Variants in HECW1 observed in about 807,000 individuals in gnomAD.
HECW1 encodes the protein HECT, C2 and WW domain containing E3 ubiquitin protein ligase 1.
In HECW1, 61 loss-of-function variants were observed where a neutral mutation model predicts 182.3. That is an observed-to-expected ratio of 0.33 (90% CI 0.27 to 0.41). The LOEUF is 0.41. Among genes scored for constraint, HECW1 ranks in the 10% least tolerant of loss-of-function variants. The pLI, the probability that HECW1 is intolerant of heterozygous loss-of-function variation, is 1.00. For synonymous variants in HECW1, 859 were observed against 832.6 expected, an observed-to-expected ratio of 1.03 and a Z score of -0.55; for missense variants, 1,739 against 2,108.9, an observed-to-expected ratio of 0.82 and a Z score of 3.44.
intron 24 of HECW1, chr7:43,512,197 G>T (rs1368761715): frequency 1.8e-5 from 4 of 223,354 alleles, no homozygotes; most frequent in Non-Finnish European, 3.6e-5. Flanking sequence ...AGATTACAAG[G>T]CTTTCTATGG....
chr7:43,524,962 C>T (rs964179151), intron 24 of HECW1, among the ~76,000 whole-genome samples: 1 of 152,182 alleles, frequency 6.6e-6, no homozygotes, highest in Non-Finnish European at 1.5e-5. Context: ...CGAGAATCAG[C>T]GTTAATTAAC....
chr7:43,284,222 AT>A (rs1385942176), intron 3 of HECW1, among the ~76,000 whole-genome samples: 2 of 152,142 alleles, frequency 1.3e-5, no homozygotes, highest in Non-Finnish European at 2.9e-5. Flanking sequence ...TTTTTTAAAC[AT>A]TTTTTAATTG....
intron 2 of HECW1, among the ~76,000 whole-genome samples, chr7:43,130,471 C>T (rs946304086): frequency 1.3e-5 from 2 of 152,180 alleles, no homozygotes; most frequent in Non-Finnish European, 2.9e-5. Context: ...CCCATGTGGA[C>T]AGTCTGTGGG....
intron 6 of HECW1, among the ~76,000 whole-genome samples, chr7:43,374,505 T>C (rs938347174): frequency 6.6e-6 from 1 of 151,986 alleles, no homozygotes; most frequent in Non-Finnish European, 1.5e-5. Context: ...AACCCAGAAA[T>C]CTAATTTATG....
intron 2 of HECW1, among the ~76,000 whole-genome samples, chr7:43,159,361 G>A (rs983377762): frequency 5.0e-5 from 7 of 139,764 alleles, no homozygotes; most frequent in African/African-American, 1.9e-4. Flanking sequence ...AGGCCCCTGT[G>A]TGTGATGTTC....
intron 21 of HECW1, among the ~76,000 whole-genome samples, chr7:43,502,382 C>T (rs1367738832): frequency 6.6e-6 from 1 of 152,208 alleles, no homozygotes; most frequent in Non-Finnish European, 1.5e-5. Flanking sequence ...TTTCGCCAGA[C>T]ACAATGGCTA....
At chr7:43,480,887 C>T (rs557607690) in intron 17 of HECW1, among the ~76,000 whole-genome samples, 12 of 152,176 alleles carry the variant, frequency 7.9e-5, no homozygotes, top group African/African-American at 2.9e-4. Flanking sequence ...GTTGATGTAT[C>T]GGCACCAGTT....
chr7:43,258,004 A>C (rs1056596343), intron 3 of HECW1, among the ~76,000 whole-genome samples: 2 of 152,168 alleles, frequency 1.3e-5, no homozygotes, highest in Admixed American at 1.3e-4. Flanking sequence ...TATTTTATAG[A>C]TAATAAAATT....
intron 17 of HECW1, among the ~76,000 whole-genome samples, chr7:43,487,664 G>A (rs1336051731): frequency 1.3e-5 from 2 of 152,232 alleles, no homozygotes; most frequent in Non-Finnish European, 1.5e-5. Flanking sequence ...CTGACCTTAG[G>A]AAAACAAAGC....
chr7:43,185,990 G>T (rs1793361501), intron 2 of HECW1, among the ~76,000 whole-genome samples: 1 of 152,166 alleles, frequency 6.6e-6, no homozygotes, highest in East Asian at 1.9e-4. Context: ...GTATGTTGAA[G>T]AACCCTTAGA....
rs1441046019 is a variant in HECW1, at chr7:43,444,311, C to T, written c.1139C>T (p.Pro380Leu). The T allele has an allele frequency of 1.2e-6, 2 of 1,614,196 alleles. No individual in the cohort carries two copies. Among genetic ancestry groups the T allele is most frequent in the Non-Finnish European group, 1.7e-6 (2 of 1,180,028 alleles). Residue 380 changes from proline to leucine, a missense_variant, in exon 11 of 30, where the codon CCT becomes CTT. Around this residue, in one of 5 missense-constraint regions of HECW1, gnomAD observed 971 missense variants for 1,029.1 expected, o/e 0.94. Transcript: ENST00000395891. The surrounding 1 kb of genome is among the most constrained non-coding windows in gnomAD (Gnocchi z 4.3). ...CTGATGGAAAGCGGCAGTGGGGAAC[C>T]TCGGTCTGAGGCACCAGAGTCCTCT... ...NNLMESGSGE[P>L]RSEAPESSES...
intron 8 of HECW1, among the ~76,000 whole-genome samples, chr7:43,431,969 A>G (rs1409258958): frequency 1.3e-5 from 2 of 151,496 alleles, no homozygotes; most frequent in African/African-American, 2.4e-5. Flanking sequence ...GTGGGATTAC[A>G]GGCACCTGCC....
At chr7:43,493,280 ATTGTAT>A in intron 19 of HECW1, 100 bp downstream of exon 19, 2 of 708,376 alleles carry the variant, frequency 2.8e-6, no homozygotes, top group Non-Finnish European at 4.8e-6. Context: ...CTTATTATAC[ATTGTAT>A]TTGTGCATTT....
At chr7:43,176,372 G>C (rs1374467094) in intron 2 of HECW1, among the ~76,000 whole-genome samples, 4 of 152,194 alleles carry the variant, frequency 2.6e-5, no homozygotes, top group Non-Finnish European at 5.9e-5. Flanking sequence ...TTTTCATTAT[G>C]AATCTGTGTC....
intron 2 of HECW1, among the ~76,000 whole-genome samples, chr7:43,124,439 A>C (rs1487853945): frequency 1.3e-5 from 2 of 152,244 alleles, no homozygotes. Context: ...GTAGATTCAT[A>C]GAATGCTGTC....
chr7:43,417,017 C>T (rs948392106), intron 8 of HECW1, among the ~76,000 whole-genome samples: 11 of 152,260 alleles, frequency 7.2e-5, no homozygotes, highest in Non-Finnish European at 1.3e-4. Context: ...AGCTGTAGAC[C>T]GGAGCTGTTC....
At chr7:43,179,385 C>A (rs1200232334) in intron 2 of HECW1, among the ~76,000 whole-genome samples, 2 of 152,202 alleles carry the variant, frequency 1.3e-5, no homozygotes, top group East Asian at 3.8e-4. Flanking sequence ...GCAACCTTTG[C>A]TTGAATTATG....
At chr7:43,542,026 G>A in intron 26 of HECW1, 28 bp downstream of exon 26, 4 of 1,460,186 alleles carry the variant, frequency 2.7e-6, no homozygotes, top group South Asian at 1.6e-5. Context: ...TTTGGAAAAG[G>A]GATTTTGTTT....
chr7:43,348,245 G>T (rs746948729), intron 5 of HECW1, among the ~76,000 whole-genome samples: 1 of 152,042 alleles, frequency 6.6e-6, no homozygotes, highest in Non-Finnish European at 1.5e-5. Context: ...AGCTAAGAGG[G>T]CTGTATTTTT....
Sources: gnomAD v4.1 joint callset for allele counts (sites outside exome capture counted in the v4.1 genomes callset) on GRCh38, gnomAD v4.1.1 for gene constraint, gnomAD v4.1.1 regional missense constraint, Gnocchi (gnomAD v3.1) non-coding constraint, MANE v1.5 for transcripts, NCBI Gene and HGNC (gene_info 2026-07-23, HGNC 2026-07-21) for gene names.